MYZAP: variants seen among roughly 807,000 people sequenced by gnomAD.
MYZAP encodes the protein GRINL1A complex locus upstream.
Under a neutral mutation model 69.4 loss-of-function variants are expected in MYZAP, and 66 were observed. The ratio of observed to expected loss-of-function variants is 0.95; its 90% CI spans 0.78 to 1.17. The LOEUF is 1.17. MYZAP is among the 50% of genes most tolerant of loss of function. MYZAP has a pLI of 0.00. For synonymous variants in MYZAP, 256 were observed against 205.9 expected (o/e 1.24, Z -2.09); for missense variants, 611 against 556.2 (o/e 1.10, Z -0.99).
At chr15:57,650,006 T>A (rs1411163117) in intron 10 of MYZAP, among the ~76,000 whole-genome samples, 15 of 152,214 alleles carry the variant, frequency 9.9e-5, no homozygotes, top group African/African-American at 3.6e-4. Context: ...CTCTAACACC[T>A]GGGATAGTCA....
At chr15:57,600,189 T>G (rs1297265061) in intron 1 of MYZAP, among the ~76,000 whole-genome samples, 1 of 152,186 alleles carries the variant, frequency 6.6e-6, no homozygotes, top group Non-Finnish European at 1.5e-5. Context: ...AAGGAAGATG[T>G]GTGATTCTGT....
rs778218288 is a variant in MYZAP at position 57,633,612 on chromosome 15, G to C, written c.805-1G>C. On this transcript the variant is annotated splice_acceptor_variant, in intron 7 of 12. Transcript: ENST00000267853. LOFTEE classifies it high-confidence loss of function. Reference sequence around the variant, plus strand: ...CTTAGGAGGGTATATTTCTTTTGCAGGAAGAAACCAATAGTTTTCTGAAAG... The same window carrying C: ...CTTAGGAGGGTATATTTCTTTTGCACGAAGAAACCAATAGTTTTCTGAAAG... 5.0e-6 allele frequency: 8 copies of C among 1,612,002 alleles called. No homozygotes were observed.
chr15:57,593,212 A>ACACACACACACACACT (rs770540454), intron 1 of MYZAP, among the ~76,000 whole-genome samples: 13 of 124,992 alleles, frequency 1.0e-4, no homozygotes, highest in South Asian at 2.5e-4. Flanking sequence ...ACACACACAC[A>ACACACACACACACACT]CACCCCAGAA....
At chr15:57,665,270 A>G (rs1161136138) in intron 11 of MYZAP, among the ~76,000 whole-genome samples, 1 of 152,206 alleles carries the variant, frequency 6.6e-6, no homozygotes, top group Admixed American at 6.5e-5. Flanking sequence ...TGGGAGGGTG[A>G]GGCTGGACGT....
chr15:57,600,550 G>A (rs1421345614), intron 1 of MYZAP, among the ~76,000 whole-genome samples: 1 of 152,198 alleles, frequency 6.6e-6, no homozygotes. Context: ...ATGGGCTCAA[G>A]CCAGGGGAGG....
intron 10 of MYZAP, among the ~76,000 whole-genome samples, chr15:57,648,953 A>AT (rs1491578334): frequency 9.2e-4 from 139 of 150,874 alleles, no homozygotes; most frequent in South Asian, 2.9e-3. Context: ...ATATATATAT[A>AT]AAATTAGTAT....
chr15:57,672,574 G>C (rs992504210), intron 11 of MYZAP, among the ~76,000 whole-genome samples: 1 of 152,176 alleles, frequency 6.6e-6, no homozygotes, highest in Non-Finnish European at 1.5e-5. Flanking sequence ...TGGTCTTCCT[G>C]CTGTCTTTAG....
In MYZAP at chr15:57,618,068, A is replaced by G. The variant is rs147715722; in HGVS notation, c.198A>G (p.Lys66=). 1.8e-4 allele frequency: 296 copies of G among 1,613,956 alleles called. No individual in the cohort carries two copies. Among genetic ancestry groups the G allele is most frequent in the Non-Finnish European group, 2.2e-4 (258 of 1,180,016 alleles). ...TGAGCAATGGAGAACCTACCAGGAA[A>G]CTTCCTCAGGGTGTTGTTTATGGTG... ...LDLSNGEPTR[K]LPQGVVYGVV... Residue 66 remains lysine, a synonymous_variant, in exon 3 of 13, where the codon AAA becomes AAG. Coordinates refer to ENST00000267853, the MANE Select transcript of MYZAP (RefSeq NM_001018100.5).
At chr15:57,602,387 G>T (rs553586581) in intron 1 of MYZAP, among the ~76,000 whole-genome samples, 6 of 152,092 alleles carry the variant, frequency 3.9e-5, no homozygotes, top group African/African-American at 1.2e-4. Context: ...TTGATGGGTC[G>T]TCTTAATGTT....
intron 10 of MYZAP, among the ~76,000 whole-genome samples, chr15:57,657,910 C>T (rs1417562063): frequency 1.3e-5 from 2 of 152,194 alleles, no homozygotes; most frequent in Non-Finnish European, 2.9e-5. Context: ...TGCCAACGCT[C>T]ATTTCTTCAG....
intron 12 of MYZAP, among the ~76,000 whole-genome samples, chr15:57,684,149 C>T (rs2039576606): frequency 6.6e-6 from 1 of 152,116 alleles, no homozygotes; most frequent in Non-Finnish European, 1.5e-5. Context: ...ACCCTCATGA[C>T]CTAATCACCT....
chr15:57,682,856 C>CT lies in MYZAP; in HGVS notation c.1305-1546_1305-1545insT, dbSNP rs542173577. Among the ~76,000 whole-genome samples, 1,144 of 152,296 alleles carry CT rather than the reference C, an allele frequency of 7.5e-3. 10 individuals are homozygous for CT. Among genetic ancestry groups the CT allele is most frequent in the South Asian group, 0.049 (237 of 4,826 alleles). ...TCCTGGAGTTCCCATCCCCGCTTTG[C>CT]CCGCTTGATGAGTGCTAGGCATCCT... On this transcript the variant is annotated intron_variant, in intron 12 of 12. Transcript: ENST00000267853.
chr15:57,592,015 C>G lies in MYZAP; in HGVS notation c.-20C>G. On this transcript the variant is annotated 5_prime_UTR_variant, in exon 1 of 13. Coordinates refer to ENST00000267853, the MANE Select transcript of MYZAP (RefSeq NM_001018100.5). ...GGGAGGAACGCCGGCGTCCAGCCCG[C>G]TACCGACCGCCGCTGCGGGATGCTG... 7.0e-7 allele frequency: 1 copy of G among 1,431,068 alleles called. No individual in the cohort carries two copies. The highest frequency in any genetic ancestry group is 2.7e-5 in the Admixed American group (1 of 37,324). 88.6% of individuals were successfully genotyped at this position (1,431,068 alleles called of 1,614,324 possible).
intron 7 of MYZAP, 147 bp from the exon 8 acceptor site, chr15:57,633,466 T>C: frequency 8.5e-7 from 1 of 1,182,244 alleles, no homozygotes; most frequent in Admixed American, 3.0e-5. Flanking sequence ...ACCGTGAGGT[T>C]GAGTTCATGA....
chr15:57,597,028 G>T (rs554998525), intron 1 of MYZAP, among the ~76,000 whole-genome samples: 9 of 152,338 alleles, frequency 5.9e-5, no homozygotes, highest in Admixed American at 5.9e-4. Context: ...ACGTAGAGGA[G>T]CCACAGTTAA....
chr15:57,632,582 T>C (rs747045108), intron 7 of MYZAP, 23 bp downstream of exon 7: 2 of 1,612,696 alleles, frequency 1.2e-6, no homozygotes, highest in Non-Finnish European at 1.7e-6. Context: ...TAGCTGCCGA[T>C]GTAAACTTAC....
chr15:57,671,176 G>A (rs1380985349), intron 11 of MYZAP, among the ~76,000 whole-genome samples: 5 of 151,988 alleles, frequency 3.3e-5, no homozygotes, highest in East Asian at 1.9e-4. Context: ...TTTTTATTTC[G>A]CCTTCATTAT....
Position 57,592,006 on chromosome 15 carries a change from T to C in MYZAP, c.-29T>C, listed in dbSNP as rs1410971666. On this transcript the variant is annotated 5_prime_UTR_variant, in exon 1 of 13. Transcript: ENST00000267853. ...ATTCTGCCCGGGAGGAACGCCGGCG[T>C]CCAGCCCGCTACCGACCGCCGCTGC... 2 of 1,423,660 alleles carry C rather than the reference T, an allele frequency of 1.4e-6. No individual in the cohort carries two copies. The allele number at this position is 1,423,660 out of a possible 1,614,324, so 88.2% of individuals were successfully genotyped here.
At chr15:57,594,674 G>T (rs528564926) in intron 1 of MYZAP, among the ~76,000 whole-genome samples, 7 of 152,190 alleles carry the variant, frequency 4.6e-5, no homozygotes, top group Middle Eastern at 3.4e-3. Flanking sequence ...TGATGATTAC[G>T]CAACGACAAA....
Sources: allele counts gnomAD v4.1 joint callset (sites outside exome capture counted in the v4.1 genomes callset), GRCh38; gene constraint gnomAD v4.1.1; transcripts MANE v1.5; gene names NCBI Gene and HGNC (gene_info 2026-07-23, HGNC 2026-07-21).